EPHA5: variants seen among roughly 807,000 people sequenced by gnomAD.
EPHA5 encodes the protein ephrin type-A receptor 5.
A neutral mutation model predicts 105.0 loss-of-function variants in EPHA5; 60 were observed. The observed-to-expected ratio is 0.57, with a 90% CI of 0.46 to 0.71. The LOEUF (loss-of-function observed/expected upper bound fraction) is 0.71, where lower values mean the gene tolerates loss of function less well. EPHA5 is among the 30% of genes least tolerant of loss of function. The pLI, the probability that EPHA5 is intolerant of heterozygous loss-of-function variation, is 0.00. For synonymous variants in EPHA5, 513 were observed against 449.1 expected (o/e 1.14, Z -1.80); for missense variants, 1,218 against 1,274.7 (o/e 0.96, Z 0.68).
chr4:65,436,061 A>G (rs941399883), intron 5 of EPHA5, among the ~76,000 whole-genome samples: 25 of 151,996 alleles, frequency 1.6e-4, no homozygotes, highest in Non-Finnish European at 3.1e-4. Flanking sequence ...CTTAGTAACG[A>G]AATAACTATA....
intron 2 of EPHA5, among the ~76,000 whole-genome samples, chr4:65,613,213 A>G (rs1163717433): frequency 6.6e-6 from 1 of 151,956 alleles, no homozygotes; most frequent in Admixed American, 6.6e-5. Context: ...CTGGGACTCT[A>G]TTCTGTTCCA....
intron 3 of EPHA5, among the ~76,000 whole-genome samples, chr4:65,533,503 A>G (rs913671941): frequency 6.6e-6 from 1 of 152,236 alleles, no homozygotes; most frequent in Admixed American, 6.5e-5. Flanking sequence ...TTGTTGTCTG[A>G]TAAGAAAAGT....
intron 4 of EPHA5, among the ~76,000 whole-genome samples, chr4:65,493,220 A>T (rs1219474634): frequency 6.6e-6 from 1 of 152,194 alleles, no homozygotes; most frequent in African/African-American, 2.4e-5. Flanking sequence ...CAAAAAACAT[A>T]TAATAAAATT....
In EPHA5 at chr4:65,650,559, C is replaced by CAAAAAAAAAAAAAAAAAAAA. The variant is rs59357895; in HGVS notation, c.182-7133_182-7132insTTTTTTTTTTTTTTTTTTTT. Among the ~76,000 whole-genome samples, 26 of 116,996 alleles carry CAAAAAAAAAAAAAAAAAAAA rather than the reference C, an allele frequency of 2.2e-4. 2 individuals are homozygous for CAAAAAAAAAAAAAAAAAAAA. The highest frequency in any genetic ancestry group is 6.3e-4 in the African/African-American group (17 of 27,172). The allele number at this position is 116,996 out of a possible 152,430, so 76.8% of individuals were successfully genotyped here. A position where few individuals can be genotyped will look rare whatever the true frequency, so the allele number is the denominator to read the frequency against. On this transcript the variant is annotated intron_variant, in intron 1 of 16. Coordinates refer to ENST00000613740, the MANE Select transcript of EPHA5 (RefSeq NM_001281766.3). ...TGGGCAACAGAGTGAGACTCAGTCT[C>CAAAAAAAAAAAAAAAAAAAA]AAAAAAAAAAAAAGAGCTAGTTGTT... is the stretch of plus-strand genomic sequence containing the variant.
At chr4:65,642,783 TAA>T (rs1747777697) in intron 2 of EPHA5, among the ~76,000 whole-genome samples, 3 of 152,148 alleles carry the variant, frequency 2.0e-5, no homozygotes, top group Admixed American at 2.0e-4. Context: ...TGATATCATC[TAA>T]AAATATAAGT....
At chr4:65,346,083 TC>T (rs1288811450) in intron 14 of EPHA5, among the ~76,000 whole-genome samples, 14 of 65,406 alleles carry the variant, frequency 2.1e-4, no homozygotes, top group African/African-American at 6.8e-4. Context: ...CTTTTCTCTC[TC>T]TTTTTTTTTT....
intron 1 of EPHA5, among the ~76,000 whole-genome samples, chr4:65,651,346 G>A (rs79064065): frequency 0.036 from 5,514 of 152,218 alleles, 330 homozygotes; most frequent in African/African-American, 0.13. Context: ...GCTTAATCCA[G>A]TAGGGAAGTT....
At chr4:65,658,543 C>T (rs940715386) in intron 1 of EPHA5, among the ~76,000 whole-genome samples, 1 of 152,080 alleles carries the variant, frequency 6.6e-6, no homozygotes, top group Non-Finnish European at 1.5e-5. Context: ...CCAACCCACA[C>T]TGTTTTAATA....
intron 8 of EPHA5, among the ~76,000 whole-genome samples, chr4:65,400,343 G>A (rs1721693290): frequency 6.6e-6 from 1 of 152,142 alleles, no homozygotes; most frequent in Non-Finnish European, 1.5e-5. Context: ...TTTGTGGAAG[G>A]CATATCAATT....
At chr4:65,409,346 A>AAAATAAATAAAT (rs373265971) in intron 7 of EPHA5, among the ~76,000 whole-genome samples, 9,894 of 134,102 alleles carry the variant, frequency 0.074, 581 homozygotes, top group African/African-American at 0.14. Context: ...ATAATAATAA[A>AAAATAAATAAAT]AAATAAATAA....
intron 3 of EPHA5, among the ~76,000 whole-genome samples, chr4:65,534,122 A>G (rs2149308180): frequency 6.6e-6 from 1 of 152,270 alleles, no homozygotes; most frequent in African/African-American, 2.4e-5. Flanking sequence ...TTACTGGACA[A>G]TGTATGAATG....
At chr4:65,444,147 T>G (rs1726289196) in intron 5 of EPHA5, among the ~76,000 whole-genome samples, 1 of 152,196 alleles carries the variant, frequency 6.6e-6, no homozygotes, top group African/African-American at 2.4e-5. Flanking sequence ...ACTGTTTTAC[T>G]TTTATAATAG....
chr4:65,571,386 A>G (rs1422627763), intron 3 of EPHA5, among the ~76,000 whole-genome samples: 3 of 151,824 alleles, frequency 2.0e-5, no homozygotes, highest in African/African-American at 7.2e-5. Flanking sequence ...GTGTTAAAGT[A>G]GATTTAATGG....
intron 3 of EPHA5, among the ~76,000 whole-genome samples, chr4:65,517,216 T>C (rs1244340614): frequency 6.6e-6 from 1 of 151,966 alleles, no homozygotes; most frequent in Non-Finnish European, 1.5e-5. Context: ...TGAAACATAA[T>C]ACTTTATTTT....
At chr4:65,648,903 A>C (rs986987645) in intron 1 of EPHA5, among the ~76,000 whole-genome samples, 3 of 152,214 alleles carry the variant, frequency 2.0e-5, no homozygotes, top group Admixed American at 1.3e-4. Context: ...AACAAAGAAC[A>C]GTTTACAAAA....
chr4:65,367,238 A>T lies in EPHA5; in HGVS notation c.1861+119T>A, dbSNP rs1404543477. On this transcript the variant is annotated intron_variant, in intron 9 of 16. Coordinates refer to ENST00000613740, the MANE Select transcript of EPHA5 (RefSeq NM_001281766.3). ...GAATGTAACAAATAGAACACTTTTA[A>T]AAAAAAAAAAAACAATATTTTGGTC... 3.8e-4 allele frequency: 272 copies of T among 719,012 alleles called. 1 individual carries two copies. The highest frequency in any genetic ancestry group is 2.0e-3 in the African/African-American group (68 of 34,482). 44.5% of individuals were successfully genotyped at this position (719,012 alleles called of 1,614,324 possible).
At chr4:65,501,836 T>C (rs970952217) in intron 3 of EPHA5, among the ~76,000 whole-genome samples, 1 of 151,796 alleles carries the variant, frequency 6.6e-6, no homozygotes, top group East Asian at 1.9e-4. Flanking sequence ...GGCATTACAT[T>C]ACCCAACTTC....
chr4:65,553,123 G>A (rs1738082138), intron 3 of EPHA5, among the ~76,000 whole-genome samples: 2 of 151,962 alleles, frequency 1.3e-5, no homozygotes, highest in African/African-American at 4.8e-5. Flanking sequence ...CTCTGAGTGG[G>A]GTAGGTTTAC....
chr4:65,582,000 TG>T (rs1331480739), intron 3 of EPHA5, among the ~76,000 whole-genome samples: 7 of 151,766 alleles, frequency 4.6e-5, no homozygotes, highest in Admixed American at 1.3e-4. Context: ...CAACATCTTT[TG>T]TCTTTGTTGG....
Sources: allele counts gnomAD v4.1 joint callset (sites outside exome capture counted in the v4.1 genomes callset), GRCh38; gene constraint gnomAD v4.1.1; transcripts MANE v1.5; gene names NCBI Gene and HGNC (gene_info 2026-07-23, HGNC 2026-07-21).